Variants in GRIN2A observed in about 807,000 individuals in gnomAD.
The protein encoded by GRIN2A is glutamate ionotropic receptor NMDA type subunit 2A, also known as glutamate receptor ionotropic, NMDA 2A.
In GRIN2A, 22 loss-of-function variants were observed where a neutral mutation model predicts 113.4. The ratio of observed to expected loss-of-function variants is 0.19; its 90% CI spans 0.14 to 0.28. GRIN2A has a LOEUF of 0.28. Among genes scored for constraint, GRIN2A ranks in the 10% least tolerant of loss-of-function variants. The probability of loss-of-function intolerance (pLI) is 1.00; values close to 1 mark genes in which losing one functional copy is unlikely to be tolerated. For synonymous variants in GRIN2A, 827 were observed against 738.4 expected (o/e 1.12, Z -1.94); for missense variants, 1,502 against 1,887.0 (o/e 0.80, Z 3.78).
chr16:9,764,274 C>T lies in GRIN2A; in HGVS notation c.3270G>A (p.Val1090=), dbSNP rs1258521895. ...HKTKDNFKRS[V]ASKYPKDCSE... is the part of the protein sequence containing the mutation. ...TACAGTCCTTGGGGTATTTGGAGGC[C>T]ACTGACCTTTTAAAGTTGTCCTTGG... The change falls in exon 13 of 13, where the codon GTG becomes GTA. Residue 1090 remains valine (V), a synonymous_variant. Coordinates refer to ENST00000330684, the MANE Select transcript of GRIN2A (RefSeq NM_001134407.3). 1 of 1,613,748 alleles carries T rather than the reference C, an allele frequency of 6.2e-7. No individual in the cohort carries two copies. The highest frequency in any genetic ancestry group is 8.5e-7 in the Non-Finnish European group (1 of 1,179,974).
intron 3 of GRIN2A, among the ~76,000 whole-genome samples, chr16:9,913,200 C>T (rs530773859): frequency 5.9e-5 from 9 of 152,350 alleles, no homozygotes; most frequent in African/African-American, 2.2e-4. Context: ...AATTCTACTA[C>T]AATTTCCGGA....
At chr16:10,082,632 T>TG (rs1224254043) in intron 2 of GRIN2A, among the ~76,000 whole-genome samples, 1 of 152,208 alleles carries the variant, frequency 6.6e-6, no homozygotes, top group Non-Finnish European at 1.5e-5. Flanking sequence ...GCTCAGAGAC[T>TG]GGAAGCAGCA....
At chr16:10,011,318 C>T (rs570961372) in intron 2 of GRIN2A, among the ~76,000 whole-genome samples, 17 of 152,294 alleles carry the variant, frequency 1.1e-4, no homozygotes, top group African/African-American at 3.6e-4. Context: ...TAGTAAGGTG[C>T]TAAGGTACCT....
intron 4 of GRIN2A, among the ~76,000 whole-genome samples, chr16:9,855,836 A>C (rs1053353912): frequency 7.9e-5 from 12 of 152,194 alleles, no homozygotes; most frequent in Admixed American, 5.9e-4. Context: ...CAGTTAGAAG[A>C]CTGAGGAAAG....
intron 2 of GRIN2A, among the ~76,000 whole-genome samples, chr16:10,050,838 G>A (rs2047346704): frequency 6.6e-6 from 1 of 152,066 alleles, no homozygotes; most frequent in Non-Finnish European, 1.5e-5. Flanking sequence ...AGTTTACAGA[G>A]GAGCACAGCC....
At chr16:9,791,519 C>T (rs1202555203) in intron 11 of GRIN2A, among the ~76,000 whole-genome samples, 1 of 152,164 alleles carries the variant, frequency 6.6e-6, no homozygotes, top group Non-Finnish European at 1.5e-5. Context: ...ATACGCCGTC[C>T]TCAGAATGGA....
chr16:10,105,693 G>C (rs1055372445), intron 2 of GRIN2A, among the ~76,000 whole-genome samples: 3 of 152,156 alleles, frequency 2.0e-5, no homozygotes, highest in Non-Finnish European at 2.9e-5. Flanking sequence ...GATCTCCTGA[G>C]GTTAGGAGTT....
At chr16:10,048,805 C>A (rs1175284605) in intron 2 of GRIN2A, among the ~76,000 whole-genome samples, 1 of 152,138 alleles carries the variant, frequency 6.6e-6, no homozygotes, top group African/African-American at 2.4e-5. Context: ...GACTTCTCTC[C>A]CCATTTCCTC....
At chr16:9,919,769 C>T (rs1203627835) in intron 3 of GRIN2A, among the ~76,000 whole-genome samples, 2 of 152,166 alleles carry the variant, frequency 1.3e-5, no homozygotes, top group Non-Finnish European at 2.9e-5. Context: ...AACTTGGCTC[C>T]TCTCTCCAAA....
chr16:9,925,813 A>G (rs538698393), intron 3 of GRIN2A, among the ~76,000 whole-genome samples: 1 of 152,348 alleles, frequency 6.6e-6, no homozygotes, highest in East Asian at 1.9e-4. Flanking sequence ...AAATAAGACC[A>G]TTAAATCTCT....
rs752502403 is a variant in GRIN2A, at chr16:9,763,326, C to T, written c.4218G>A (p.Arg1406=). 3 of 1,614,130 alleles carry T rather than the reference C, an allele frequency of 1.9e-6. No homozygotes were observed. The South Asian group carries it at 3.3e-5, about 18-fold the overall frequency. Residue 1406 remains arginine, a synonymous_variant, in exon 13 of 13, where the codon AGG becomes AGA. Coordinates refer to ENST00000330684, the MANE Select transcript of GRIN2A (RefSeq NM_001134407.3). ...VNDSYLRSSL[R]STASYCSRDS... is the part of the protein sequence containing the mutation. ...CCCTGGAACAGTACGATGCCGTTGA[C>T]CTCAAGGACGACCGAAGATAGCTGT...
At chr16:9,998,685 C>T (rs538115193) in intron 2 of GRIN2A, among the ~76,000 whole-genome samples, 2 of 152,154 alleles carry the variant, frequency 1.3e-5, no homozygotes, top group East Asian at 1.9e-4. Flanking sequence ...CTGTATATAT[C>T]TCTATGTATC....
intron 8 of GRIN2A, among the ~76,000 whole-genome samples, chr16:9,832,015 C>T (rs2042504004): frequency 6.6e-6 from 1 of 152,080 alleles, no homozygotes; most frequent in East Asian, 1.9e-4. Flanking sequence ...ACCTCCTGGG[C>T]TCAAGTAATT....
intron 10 of GRIN2A, among the ~76,000 whole-genome samples, chr16:9,803,646 A>T (rs957571332): frequency 6.6e-6 from 1 of 152,138 alleles, no homozygotes; most frequent in Non-Finnish European, 1.5e-5. Flanking sequence ...ATGCATTATT[A>T]TATTTTTTGG....
At chr16:10,096,387 A>G (rs1185500762) in intron 2 of GRIN2A, among the ~76,000 whole-genome samples, 2 of 151,994 alleles carry the variant, frequency 1.3e-5, no homozygotes, top group African/African-American at 4.8e-5. Flanking sequence ...GACCTACTGA[A>G]TCTGACACTT....
intron 10 of GRIN2A, among the ~76,000 whole-genome samples, chr16:9,810,843 T>TATCA (rs1443637479): frequency 6.6e-5 from 10 of 152,186 alleles, no homozygotes; most frequent in Admixed American, 3.9e-4. Flanking sequence ...CCTGAGTTCC[T>TATCA]ATCACTCCTC....
chr16:9,962,158 C>T (rs571598175), intron 2 of GRIN2A, among the ~76,000 whole-genome samples: 119 of 152,156 alleles, frequency 7.8e-4, no homozygotes, highest in African/African-American at 2.7e-3. Context: ...CGATAAAAAC[C>T]CTAGAAGAAA....
chr16:9,870,670 C>G (rs2043244226), intron 4 of GRIN2A, among the ~76,000 whole-genome samples: 1 of 149,234 alleles, frequency 6.7e-6, no homozygotes, highest in African/African-American at 2.5e-5. Flanking sequence ...TGGAGTCTCG[C>G]TCTGTTGCCC....
Position 9,762,163 on chromosome 16 carries a change from G to T in GRIN2A, c.*986C>A. ...GGGAAGAGCGATACACAGCTAATTG[G>T]ACACCACCATGGCTGTTTGGAAACG... On this transcript the variant is annotated 3_prime_UTR_variant, in exon 13 of 13. Transcript: ENST00000330684. 1 of 218,322 alleles carries T rather than the reference G, an allele frequency of 4.6e-6. No homozygotes were observed. The highest frequency in any genetic ancestry group is 9.2e-6 in the Non-Finnish European group (1 of 108,338). The allele number at this position is 218,322 out of a possible 1,614,324, so 13.5% of individuals were successfully genotyped here.
Sources: gnomAD v4.1 joint callset for allele counts (sites outside exome capture counted in the v4.1 genomes callset) on GRCh38, gnomAD v4.1.1 for gene constraint, MANE v1.5 for transcripts, NCBI Gene and HGNC (gene_info 2026-07-23, HGNC 2026-07-21) for gene names.